HIVEP2: variants seen among roughly 807,000 people sequenced by gnomAD.
The protein encoded by HIVEP2 is HIVEP zinc finger 2.
A neutral mutation model predicts 180.7 loss-of-function variants in HIVEP2; 14 were observed. That is an observed-to-expected ratio of 0.08 (90% confidence interval 0.05 to 0.12). The LOEUF is 0.12. Among genes scored for constraint, HIVEP2 ranks in the 10% least tolerant of loss-of-function variants. HIVEP2 has a pLI of 1.00. For missense variants in HIVEP2, 2,579 were observed against 3,008.5 expected (o/e 0.86, Z 3.34); for synonymous variants, 1,184 against 1,136.4 (o/e 1.04, Z -0.84).
chr6:142,888,758 T>G (rs1008754440), intron 1 of HIVEP2, among the ~76,000 whole-genome samples: 1 of 152,188 alleles, frequency 6.6e-6, no homozygotes, highest in African/African-American at 2.4e-5. Flanking sequence ...ATGACAATTT[T>G]ACCAAGTTAC....
chr6:142,756,255 A>C (rs1173747881), intron 9 of HIVEP2, among the ~76,000 whole-genome samples: 3 of 152,184 alleles, frequency 2.0e-5, no homozygotes, highest in Admixed American at 1.3e-4. Flanking sequence ...GTAGAAGAGC[A>C]AGAGCCTCCT....
chr6:142,774,369 A>T lies in HIVEP2; in HGVS notation c.370T>A (p.Trp124Arg). Residue 124 changes from tryptophan (W) to arginine (R), a missense_variant, in exon 5 of 10, where the codon TGG (tryptophan) becomes AGG (arginine). By Grantham distance (101) the Trp-to-Arg change is moderately radical. Around this residue, in one of 11 missense-constraint regions of HIVEP2, gnomAD observed 207 missense variants for 210.1 expected, o/e 0.99. Coordinates refer to ENST00000367603, the MANE Select transcript of HIVEP2 (RefSeq NM_006734.4). The surrounding 1 kb of genome is among the most constrained non-coding windows in gnomAD (Gnocchi z 5.1). ...GATGGCAAAGGGCCAGGGAAAAGCC[A>T]CGGAGGACCTTCGAGGCTCTGATGT... Reference protein sequence around the residue: ...KPHQSLEGPPWLFPGPLPSVA... With the variant: ...KPHQSLEGPPRLFPGPLPSVA... 6.2e-7 allele frequency: 1 copy of T among 1,614,230 alleles called. No individual in the cohort carries two copies. Among genetic ancestry groups the T allele is most frequent in the Non-Finnish European group, 8.5e-7 (1 of 1,180,048 alleles).
At chr6:142,873,269 G>A (rs572680651) in intron 1 of HIVEP2, among the ~76,000 whole-genome samples, 10 of 152,168 alleles carry the variant, frequency 6.6e-5, no homozygotes, top group Non-Finnish European at 1.5e-4. Context: ...AAAAATGGCT[G>A]TGTGCCCCCA....
rs1330326382 is a variant in HIVEP2, at chr6:142,782,756, A to AT, written c.-433+764dup. On this transcript the variant is annotated intron_variant, in intron 3 of 9. Coordinates refer to ENST00000367603, the MANE Select transcript of HIVEP2 (RefSeq NM_006734.4). The stretch of plus-strand genomic sequence containing the variant: ...TTAAAGCCTAATGAGAAACAAACAT[A>AT]TTTTTTCACATGGGCTGCAATGCAG... 2.6e-5 allele frequency among the ~76,000 whole-genome samples: 4 copies of AT among 152,104 alleles called. No individual in the cohort carries two copies. The East Asian group carries it at 5.8e-4, about 22-fold the overall frequency.
chr6:142,789,940 A>G (rs1475040126), intron 2 of HIVEP2, among the ~76,000 whole-genome samples: 1 of 152,218 alleles, frequency 6.6e-6, no homozygotes, highest in Non-Finnish European at 1.5e-5. Context: ...TTCCAAAATG[A>G]GTAAATGACA....
At chr6:142,801,492 G>A (rs1392315978) in intron 2 of HIVEP2, among the ~76,000 whole-genome samples, 3 of 150,368 alleles carry the variant, frequency 2.0e-5, no homozygotes, top group Non-Finnish European at 3.0e-5. Context: ...TAAGGCCAAC[G>A]ATCACTGAGA....
At position 142,922,101 on chromosome 6, in the gene HIVEP2, A is replaced by T. The variant is rs563598538; in HGVS notation, c.-641+22998T>A. On this transcript the variant is annotated intron_variant, in intron 1 of 9. Transcript: ENST00000367603. ...GGATCTGGCCTCATCTTACATCTCT[A>T]TCCCATTTTTCACAATCTCCCACTT... Among the ~76,000 whole-genome samples, 3 of 152,042 alleles carry T rather than the reference A, an allele frequency of 2.0e-5. No homozygotes were observed. The East Asian group carries it at 5.8e-4, about 29-fold the overall frequency.
chr6:142,847,424 G>GAAA (rs71815898), intron 1 of HIVEP2, among the ~76,000 whole-genome samples: 18 of 148,290 alleles, frequency 1.2e-4, no homozygotes, highest in African/African-American at 1.5e-4. Context: ...TGAAATGTTA[G>GAAA]AAAAAAAAAA....
intron 6 of HIVEP2, among the ~76,000 whole-genome samples, chr6:142,765,291 C>G (rs1291429602): frequency 1.3e-5 from 2 of 152,180 alleles, no homozygotes; most frequent in East Asian, 3.8e-4. Context: ...AGCTGCAGAC[C>G]TTTGGACTGG....
chr6:142,821,843 T>C lies in HIVEP2; in HGVS notation c.-528+15092A>G, dbSNP rs143754194. On this transcript the variant is annotated intron_variant, in intron 2 of 9. Coordinates refer to ENST00000367603, the MANE Select transcript of HIVEP2 (RefSeq NM_006734.4). ...ATCCCCTAGCTGTCACAGGACAGCA[T>C]GCCTTGTGATGCCATGGGACATAGA... Among the ~76,000 whole-genome samples the C allele has an allele frequency of 6.6e-5, 10 of 152,338 alleles. No homozygotes were observed. The East Asian group carries it at 1.9e-3, about 29-fold the overall frequency.
At chr6:142,788,777 C>T (rs950000252) in intron 2 of HIVEP2, among the ~76,000 whole-genome samples, 7 of 151,914 alleles carry the variant, frequency 4.6e-5, no homozygotes, top group Admixed American at 2.0e-4. Context: ...AGAGCTTCAG[C>T]GGGGAGATAT....
chr6:142,897,371 G>A (rs1052567883), intron 1 of HIVEP2, among the ~76,000 whole-genome samples: 6 of 152,152 alleles, frequency 3.9e-5, no homozygotes, highest in Middle Eastern at 3.2e-3. Flanking sequence ...ATGATGTAGC[G>A]ACTCCACCCC....
chr6:142,766,119 A>G (rs1460505897), intron 6 of HIVEP2, among the ~76,000 whole-genome samples: 1 of 152,198 alleles, frequency 6.6e-6, no homozygotes, highest in African/African-American at 2.4e-5. Context: ...ACAGGAATAA[A>G]GGCAAGTTTA....
chr6:142,886,071 G>A (rs1359020604), intron 1 of HIVEP2, among the ~76,000 whole-genome samples: 2 of 152,122 alleles, frequency 1.3e-5, no homozygotes, highest in Non-Finnish European at 2.9e-5. Flanking sequence ...CAAAAATCCT[G>A]ACATTTTGCC....
intron 2 of HIVEP2, among the ~76,000 whole-genome samples, chr6:142,833,269 T>G (rs1050295268): frequency 3.9e-5 from 6 of 152,204 alleles, no homozygotes; most frequent in African/African-American, 1.4e-4. Context: ...AATGAGATAA[T>G]GTACATGGAA....
At chr6:142,893,702 T>C (rs1776915106) in intron 1 of HIVEP2, among the ~76,000 whole-genome samples, 1 of 152,192 alleles carries the variant, frequency 6.6e-6, no homozygotes, top group Non-Finnish European at 1.5e-5. Flanking sequence ...TTCTATCCAG[T>C]TCTATTCTAC....
At chr6:142,831,757 C>T (rs1223376569) in intron 2 of HIVEP2, among the ~76,000 whole-genome samples, 1 of 152,092 alleles carries the variant, frequency 6.6e-6, no homozygotes, top group Non-Finnish European at 1.5e-5. Context: ...GCAATTTTTG[C>T]ACTACAAAAT....
At position 142,888,317 on chromosome 6, in the gene HIVEP2, G is replaced by C. The variant is rs368785388; in HGVS notation, c.-640-51270C>G. On this transcript the variant is annotated intron_variant, in intron 1 of 9. Coordinates refer to ENST00000367603, the MANE Select transcript of HIVEP2 (RefSeq NM_006734.4). ...CACAGGTGCATGCCATGTAAAGATG[G>C]GGTCTCACCACATTGCCAGGGCTGA... 9.9e-5 allele frequency among the ~76,000 whole-genome samples: 15 copies of C among 152,106 alleles called. No individual in the cohort carries two copies. The East Asian group carries it at 1.9e-3, about 20-fold the overall frequency.
At position 142,943,529 on chromosome 6, in the gene HIVEP2, TGAG is replaced by T. The variant is rs957019505; in HGVS notation, c.-641+1567_-641+1569del. On this transcript the variant is annotated intron_variant, in intron 1 of 9. Transcript: ENST00000367603. This position sits in a 1 kb window ranked among gnomAD's most constrained non-coding sequence, Gnocchi z 4.5. ...TGCACTACAAAAGAAACAACTGTAT[TGAG>T]GAGAAAAATCAATAGCCCTTGACTA... 5.5e-4 allele frequency among the ~76,000 whole-genome samples: 83 copies of T among 152,272 alleles called. No individual in the cohort carries two copies. The highest frequency in any genetic ancestry group is 1.8e-3 in the African/African-American group (74 of 41,558).
Sources: allele counts gnomAD v4.1 joint callset (sites outside exome capture counted in the v4.1 genomes callset), GRCh38; gene constraint gnomAD v4.1.1; regional missense constraint gnomAD v4.1.1; non-coding constraint Gnocchi (gnomAD v3.1); transcripts MANE v1.5; gene names NCBI Gene and HGNC (gene_info 2026-07-23, HGNC 2026-07-21).